The following FAM217B variants were observed in gnomAD, a reference collection of about 807,000 sequenced individuals.
The protein encoded by FAM217B is family with sequence similarity 217 member B.
For synonymous variants in FAM217B, 163 were observed against 173.0 expected, an observed-to-expected ratio of 0.94 and a Z score of 0.45; for missense variants, 463 against 456.9, an observed-to-expected ratio of 1.01 and a Z score of -0.12.
upstream of FAM217B, chr20:59,939,190 C>G: frequency 6.2e-7 from 1 of 1,609,028 alleles, no homozygotes; most frequent in South Asian, 1.1e-5. Context: ...GAGCCGAGCT[C>G]CAGCAGGAAG....
At chr20:59,939,163 C>T (rs149887460), upstream of FAM217B, 9 of 1,611,314 alleles carry the variant, frequency 5.6e-6, no homozygotes, top group Non-Finnish European at 5.9e-6. Context: ...TGGTAGCGCA[C>T]CGCGAAGTGC....
chr20:59,936,532 G>T (rs1212433717), upstream of FAM217B: 1 of 152,218 alleles, frequency 6.6e-6, no homozygotes, highest in Non-Finnish European at 1.5e-5. Context: ...ATTAACTGTT[G>T]TAAGAGAAGT....
upstream of FAM217B, chr20:59,939,258 C>T: frequency 6.2e-7 from 1 of 1,610,868 alleles, no homozygotes; most frequent in Non-Finnish European, 8.5e-7. Flanking sequence ...GCCTGCGGGC[C>T]CGCGCCACCG....
intron 1 of FAM217B, among the ~76,000 whole-genome samples, chr20:59,941,527 A>G (rs1056702999): frequency 6.6e-6 from 1 of 152,214 alleles, no homozygotes; most frequent in African/African-American, 2.4e-5. Context: ...GAAGTATCCA[A>G]TTTCCATTCA....
Position 59,944,458 on chromosome 20 carries a change from C to A in FAM217B, c.515C>A (p.Pro172His). The change falls in exon 4 of 4, where the codon CCC (proline) becomes CAC (histidine). Residue 172 changes from proline to histidine, a missense_variant. Transcript: ENST00000360816. Reference sequence around the variant, plus strand: ...GCAGAGAACAAAACGGAAGCCGTGCCCCGAGTGGGAGGACTTCTTGGGAAG... The same window carrying A: ...GCAGAGAACAAAACGGAAGCCGTGCACCGAGTGGGAGGACTTCTTGGGAAG... ...LNAENKTEAV[P>H]RVGGLLGKYI... 6.2e-7 allele frequency: 1 copy of A among 1,613,780 alleles called. No individual in the cohort carries two copies. Among genetic ancestry groups the A allele is most frequent in the South Asian group, 1.1e-5 (1 of 91,068 alleles).
chr20:59,943,549 T>C (rs1347108889), intron 3 of FAM217B, among the ~76,000 whole-genome samples: 1 of 152,230 alleles, frequency 6.6e-6, no homozygotes, highest in Non-Finnish European at 1.5e-5. Context: ...CTGAATGTTA[T>C]TAAATGCTTT....
At chr20:59,939,593 C>A, upstream of FAM217B, 1 of 1,603,298 alleles carries the variant, frequency 6.2e-7, no homozygotes, top group African/African-American at 1.3e-5. Flanking sequence ...TGACCTGTGC[C>A]AGCTCCAAGC....
rs2060938406 is a variant in FAM217B, at chr20:59,946,566, C to T, written c.*1471C>T. On this transcript the variant is annotated 3_prime_UTR_variant, in exon 4 of 4. Transcript: ENST00000360816. ...ATGTGCAAGGGTTATATTTTAAGGT[C>T]TTTTAAAATCTGATTTTGATCATAC... The T allele has an allele frequency of 6.0e-6, 1 of 166,954 alleles. No individual in the cohort carries two copies. The highest frequency in any genetic ancestry group is 2.4e-5 in the African/African-American group (1 of 41,424). 10.3% of individuals were successfully genotyped at this position (166,954 alleles called of 1,614,324 possible). A position where few individuals can be genotyped will look rare whatever the true frequency, so the allele number is the denominator to read the frequency against.
intron 1 of FAM217B, among the ~76,000 whole-genome samples, chr20:59,941,302 C>T (rs749903363): frequency 6.6e-5 from 10 of 152,166 alleles, no homozygotes; most frequent in Admixed American, 1.3e-4. Flanking sequence ...GGGGTTGATT[C>T]AAGAACATTC....
upstream of FAM217B, chr20:59,936,592 C>T (rs1371270573): frequency 1.3e-5 from 2 of 152,216 alleles, no homozygotes; most frequent in Non-Finnish European, 2.9e-5. Context: ...CTTCATACCT[C>T]ATGCTGACCT....
intron 3 of FAM217B, among the ~76,000 whole-genome samples, chr20:59,942,993 T>C (rs978803118): frequency 6.6e-6 from 1 of 152,228 alleles, no homozygotes; most frequent in Non-Finnish European, 1.5e-5. Flanking sequence ...TTGCTTAGGT[T>C]GTTTGAAACC....
At chr20:59,936,353 G>A (rs1336571370), upstream of FAM217B, among the ~76,000 whole-genome samples, 3 of 152,180 alleles carry the variant, frequency 2.0e-5, no homozygotes, top group African/African-American at 7.2e-5. Flanking sequence ...ATAACATTCA[G>A]AATTAAATGA....
At chr20:59,934,212 C>G (rs1234434606) in intron 1 of FAM217B, among the ~76,000 whole-genome samples, 1 of 152,160 alleles carries the variant, frequency 6.6e-6, no homozygotes, top group Non-Finnish European at 1.5e-5. Context: ...GTGCGGGTGC[C>G]GGAGGGCGGG....
Position 59,944,811 on chromosome 20 carries a change from AC to A in FAM217B, c.869del (p.Thr290LysfsTer42), listed in dbSNP as rs1366025228. 2.5e-6 allele frequency: 4 copies of A among 1,614,084 alleles called. No homozygotes were observed. In the South Asian group the frequency reaches 4.4e-5, roughly 18 times the overall value. ...TCAGAGGCAAACCCTTGAAATGAGGACAGAAGAAAAGAAAAAGAAATCAAGT... is the reference window on the plus strand; with the variant it reads ...TCAGAGGCAAACCCTTGAAATGAGGAAGAAGAAAAGAAAAAGAAATCAAGT... ...CSQRQTLEMR[T>X]EEKKKKSSKS... On this transcript the variant is annotated frameshift_variant, in exon 4 of 4. Coordinates refer to ENST00000360816, the MANE Select transcript of FAM217B (RefSeq NM_022106.3). LOFTEE classifies it low-confidence loss of function (END_TRUNC).
chr20:59,939,305 A>G, upstream of FAM217B: 1 of 1,612,256 alleles, frequency 6.2e-7, no homozygotes, highest in Non-Finnish European at 8.5e-7. Context: ...AGCCCGAGAA[A>G]GTGTAGCGCA....
At chr20:59,943,740 A>G (rs556962628) in intron 3 of FAM217B, among the ~76,000 whole-genome samples, 200 bp from the exon 4 acceptor site, 1 of 152,208 alleles carries the variant, frequency 6.6e-6, no homozygotes, top group East Asian at 1.9e-4. Flanking sequence ...TATATAATGT[A>G]TCTCAAATAG....
Position 59,945,009 on chromosome 20 carries a change from G to T in FAM217B, c.1066G>T (p.Ala356Ser). ...AHAHPRKKGK[A>S]ESCGHATVSS... is the part of the protein sequence containing the mutation. Reference sequence around the variant, plus strand: ...TGCACATCCTAGGAAAAAGGGAAAGGCAGAGAGCTGTGGTCATGCCACTGT... The same window carrying T: ...TGCACATCCTAGGAAAAAGGGAAAGTCAGAGAGCTGTGGTCATGCCACTGT... Residue 356 changes from alanine (A) to serine (S), a missense_variant, in exon 4 of 4, where the codon GCA becomes TCA. Transcript: ENST00000360816. 6.2e-7 allele frequency: 1 copy of T among 1,614,152 alleles called. No homozygotes were observed. Among genetic ancestry groups the T allele is most frequent in the Non-Finnish European group, 8.5e-7 (1 of 1,180,024 alleles).
intron 1 of FAM217B, among the ~76,000 whole-genome samples, chr20:59,934,512 C>T (rs938194447): frequency 6.6e-6 from 1 of 152,192 alleles, no homozygotes; most frequent in Non-Finnish European, 1.5e-5. Flanking sequence ...CTCGGTCTTT[C>T]TAACAGCTTC....
upstream of FAM217B, chr20:59,939,185 G>A (rs774675618): frequency 3.7e-6 from 6 of 1,608,774 alleles, no homozygotes; most frequent in African/African-American, 8.0e-5. Context: ...CGCGGGAGCC[G>A]AGCTCCAGCA....
Sources: gnomAD v4.1 joint callset for allele counts (sites outside exome capture counted in the v4.1 genomes callset) on GRCh38, gnomAD v4.1.1 for gene constraint, MANE v1.5 for transcripts, NCBI Gene and HGNC (gene_info 2026-07-23, HGNC 2026-07-21) for gene names.